The following CCDC88C variants were observed in gnomAD, a reference collection of about 807,000 sequenced individuals.
CCDC88C encodes the protein coiled-coil and HOOK domain protein 88C.
CCDC88C carries 131 observed loss-of-function variants against 198.8 expected under a neutral mutation model. That is an observed-to-expected ratio of 0.66 (90% CI 0.57 to 0.76). CCDC88C has a LOEUF of 0.76. Among genes scored for constraint, CCDC88C ranks in the 30% least tolerant of loss-of-function variants. The pLI, the probability that CCDC88C is intolerant of heterozygous loss-of-function variation, is 0.00. For synonymous variants in CCDC88C, 1,166 were observed against 1,114.7 expected, an observed-to-expected ratio of 1.05 and a Z score of -0.92; for missense variants, 2,553 against 2,631.6, an observed-to-expected ratio of 0.97 and a Z score of 0.65.
intron 4 of CCDC88C, among the ~76,000 whole-genome samples, chr14:91,353,880 G>A (rs1893924664): frequency 1.3e-5 from 2 of 152,214 alleles, no homozygotes; most frequent in African/African-American, 2.4e-5. Flanking sequence ...ATATGCAGTC[G>A]CAGCCCCTCC....
At chr14:91,399,818 G>A (rs543129301) in intron 3 of CCDC88C, among the ~76,000 whole-genome samples, 4 of 141,506 alleles carry the variant, frequency 2.8e-5, no homozygotes, top group East Asian at 4.1e-4. Context: ...CAGCCTGGGC[G>A]ACAGAGTGAG....
chr14:91,351,383 C>T (rs191132189), intron 4 of CCDC88C, among the ~76,000 whole-genome samples: 13 of 152,324 alleles, frequency 8.5e-5, no homozygotes, highest in East Asian at 3.9e-4. Context: ...CACATGGGCA[C>T]GGCTCTGAGG....
chr14:91,397,442 ACACACACACT>A (rs1288201099), intron 3 of CCDC88C, among the ~76,000 whole-genome samples: 2 of 152,128 alleles, frequency 1.3e-5, no homozygotes, highest in Non-Finnish European at 2.9e-5. Flanking sequence ...GACTGTGTAC[ACACACACACT>A]CACACACACT....
At chr14:91,354,036 G>A (rs184431299) in intron 4 of CCDC88C, among the ~76,000 whole-genome samples, 27 of 152,280 alleles carry the variant, frequency 1.8e-4, no homozygotes, top group Non-Finnish European at 5.9e-5. Context: ...TCTGTCTTGC[G>A]CCTATGGGGA....
intron 13 of CCDC88C, among the ~76,000 whole-genome samples, chr14:91,320,542 G>C (rs1892312962): frequency 6.6e-6 from 1 of 152,232 alleles, no homozygotes; most frequent in African/African-American, 2.4e-5. Context: ...GAAGGGGGTG[G>C]TGGGAACCTC....
chr14:91,365,912 T>C (rs1162035888), intron 3 of CCDC88C, among the ~76,000 whole-genome samples: 2 of 151,946 alleles, frequency 1.3e-5, no homozygotes, highest in African/African-American at 4.8e-5. Context: ...CTCAAAGGTG[T>C]AAAAAGATAC....
At chr14:91,275,818 CTTT>C (rs34204634) in intron 29 of CCDC88C, among the ~76,000 whole-genome samples, 26 of 82,304 alleles carry the variant, frequency 3.2e-4, no homozygotes, top group Non-Finnish European at 4.5e-4. Flanking sequence ...ACCAGTGGTT[CTTT>C]TTTTTTTTTT....
At chr14:91,285,644 T>C (rs1890372101) in intron 25 of CCDC88C, 1 of 1,285,344 alleles carries the variant, frequency 7.8e-7, no homozygotes, top group South Asian at 1.2e-5. Flanking sequence ...GGGTACACAA[T>C]ACAGACACAT....
chr14:91,403,408 C>G (rs1302829555), intron 3 of CCDC88C, among the ~76,000 whole-genome samples: 2 of 152,308 alleles, frequency 1.3e-5, no homozygotes, highest in East Asian at 3.9e-4. Flanking sequence ...GAGGCCCTTT[C>G]CAGACAAGGC....
At chr14:91,405,027 T>C (rs1886408832) in intron 3 of CCDC88C, among the ~76,000 whole-genome samples, 1 of 150,698 alleles carries the variant, frequency 6.6e-6, no homozygotes, top group Non-Finnish European at 1.5e-5. Context: ...AAGAGTCCAA[T>C]GCAGTAAGCC....
chr14:91,380,075 C>A (rs1884696849), intron 3 of CCDC88C, among the ~76,000 whole-genome samples: 1 of 152,190 alleles, frequency 6.6e-6, no homozygotes, highest in African/African-American at 2.4e-5. Flanking sequence ...GAGCAGGGTC[C>A]TGAGACAGTC....
chr14:91,283,668 G>T, intron 25 of CCDC88C, 151 bp from the exon 26 acceptor site: 1 of 697,804 alleles, frequency 1.4e-6, no homozygotes, highest in Middle Eastern at 3.4e-4. Flanking sequence ...CAACTTAAAT[G>T]GGGCCTGGCG....
At position 91,271,966 on chromosome 14, in the gene CCDC88C, G is replaced by C. The variant is rs1298258584; in HGVS notation, c.*659C>G. On this transcript the variant is annotated 3_prime_UTR_variant, in exon 30 of 30. Coordinates refer to ENST00000389857, the MANE Select transcript of CCDC88C (RefSeq NM_001080414.4). ...TGTGGTCCCCAAACCCCCTGGTGCAGAGCTCAGGAGCCAGCTGGAGGCTGG... is the reference window on the plus strand; with the variant it reads ...TGTGGTCCCCAAACCCCCTGGTGCACAGCTCAGGAGCCAGCTGGAGGCTGG... The C allele has an allele frequency of 1.3e-5, 2 of 152,788 alleles. No individual in the cohort carries two copies. Among genetic ancestry groups the C allele is most frequent in the Admixed American group, 1.3e-4 (2 of 15,294 alleles). 9.5% of individuals were successfully genotyped at this position (152,788 alleles called of 1,614,324 possible). A position where few individuals can be genotyped will look rare whatever the true frequency, so the allele number is the denominator to read the frequency against.
intron 16 of CCDC88C, 92 bp from the exon 17 acceptor site, chr14:91,308,584 T>C (rs1891661109): frequency 3.0e-6 from 4 of 1,313,378 alleles, no homozygotes. Context: ...CTCCTTCCAT[T>C]AGGCTGGGTT....
Position 91,313,734 on chromosome 14 carries a change from G to C in CCDC88C, c.2082C>G (p.Gly694=). The part of the protein sequence containing the change: ...TLQNVSLQLE[G]LERDNKQLDA... ...CCAGCTGCTTGTTGTCACGCTCCAGGCCCTCAAGCTGCAGGGACACGTTCT... is the reference window on the plus strand; with the variant it reads ...CCAGCTGCTTGTTGTCACGCTCCAGCCCCTCAAGCTGCAGGGACACGTTCT... Residue 694 remains glycine, a synonymous_variant, in exon 15 of 30, where the codon GGC becomes GGG. Transcript: ENST00000389857. This position sits in a 1 kb window ranked among gnomAD's most constrained non-coding sequence, Gnocchi z 5.2. The C allele has an allele frequency of 6.2e-7, 1 of 1,609,396 alleles. No individual in the cohort carries two copies. Among genetic ancestry groups the C allele is most frequent in the African/African-American group, 1.3e-5 (1 of 74,984 alleles).
chr14:91,278,809 G>A (rs139439271), intron 28 of CCDC88C, among the ~76,000 whole-genome samples: 18 of 149,664 alleles, frequency 1.2e-4, no homozygotes, highest in Non-Finnish European at 1.8e-4. Context: ...CTCTGAATGC[G>A]TCAGAATGCA....
intron 3 of CCDC88C, among the ~76,000 whole-genome samples, chr14:91,376,997 C>T (rs375646213): frequency 1.3e-5 from 2 of 151,786 alleles, no homozygotes; most frequent in Admixed American, 6.6e-5. Context: ...TGCCCGCCCC[C>T]CCTCCCTAAC....
At chr14:91,415,812 GCA>G (rs1887018003) in intron 2 of CCDC88C, among the ~76,000 whole-genome samples, 1 of 151,962 alleles carries the variant, frequency 6.6e-6, no homozygotes, top group Non-Finnish European at 1.5e-5. Flanking sequence ...ATATGCCAAA[GCA>G]AACTGCTCCT....
At chr14:91,392,414 T>C (rs1175636394) in intron 3 of CCDC88C, among the ~76,000 whole-genome samples, 1 of 151,936 alleles carries the variant, frequency 6.6e-6, no homozygotes, top group Non-Finnish European at 1.5e-5. Flanking sequence ...GACACCTTAA[T>C]TAGGGCTAGA....
Sources: allele counts gnomAD v4.1 joint callset (sites outside exome capture counted in the v4.1 genomes callset), GRCh38; gene constraint gnomAD v4.1.1; non-coding constraint Gnocchi (gnomAD v3.1); transcripts MANE v1.5; gene names NCBI Gene and HGNC (gene_info 2026-07-23, HGNC 2026-07-21).